Variants in ZNF25 observed in about 807,000 individuals in gnomAD.
The protein encoded by ZNF25 is zinc finger protein 25 (KOX 19).
In ZNF25, 21 loss-of-function variants were observed where a neutral mutation model predicts 30.9. That is an observed-to-expected ratio of 0.68 (90% CI 0.48 to 0.98). The LOEUF (loss-of-function observed/expected upper bound fraction) is 0.98, where lower values mean the gene tolerates loss of function less well. ZNF25 is among the 50% of genes least tolerant of loss of function. The probability of loss-of-function intolerance (pLI) is 0.00; values close to 1 mark genes in which losing one functional copy is unlikely to be tolerated. For missense variants in ZNF25, 501 were observed against 529.9 expected, an observed-to-expected ratio of 0.95 and a Z score of 0.54; for synonymous variants, 169 against 181.3, an observed-to-expected ratio of 0.93 and a Z score of 0.55.
chr10:37,953,644 A>G (rs1409714509), intron 5 of ZNF25, 51 bp downstream of exon 5: 1 of 1,566,340 alleles, frequency 6.4e-7, no homozygotes, highest in African/African-American at 1.4e-5. Flanking sequence ...TAACTCCTTT[A>G]AGACTCTTGC....
At chr10:37,956,941 G>C (rs2062565987) in intron 4 of ZNF25, 79 bp downstream of exon 4, 1 of 878,710 alleles carries the variant, frequency 1.1e-6, no homozygotes, top group African/African-American at 1.8e-5. Context: ...AAAAGTGAGA[G>C]ATTGCCGAAA....
At chr10:37,956,915 C>CA (rs9299755) in intron 4 of ZNF25, 105 bp downstream of exon 4, 242,582 of 514,808 alleles carry the variant, frequency 0.47, 37,705 homozygotes, top group African/African-American at 0.73. Context: ...AACTCTGTTT[C>CA]AAAAAAAAAA....
At chr10:37,953,313 A>G in intron 5 of ZNF25, 118 bp from the exon 6 acceptor site, 5 of 906,620 alleles carry the variant, frequency 5.5e-6, no homozygotes, top group Non-Finnish European at 6.5e-6. Flanking sequence ...AGATGTTCCC[A>G]TATTTACTGG....
chr10:37,975,195 T>C (rs1476602256), intron 1 of ZNF25, among the ~76,000 whole-genome samples: 1 of 152,184 alleles, frequency 6.6e-6, no homozygotes, highest in Non-Finnish European at 1.5e-5. Flanking sequence ...TAGTGTTCAA[T>C]AGCACAGTAT....
In ZNF25 at chr10:37,953,153, C is replaced by G; in HGVS notation, c.345G>C (p.Glu115Asp). ...CACATTCCTTACATTCACAGGCTTT[C>G]TCTGTGGTATGAGTTTTCTGATGTT... Reference protein sequence around the residue: ...LTKHQKTHTTEKACECKECGK... With the variant: ...LTKHQKTHTTDKACECKECGK... Residue 115 changes from glutamate (E) to aspartate (D), a missense_variant, in exon 6 of 6, where the codon GAG becomes GAC. Physicochemically the swap from Glu to Asp is conservative, Grantham distance 45. Transcript: ENST00000302609. 6.2e-7 allele frequency: 1 copy of G among 1,601,426 alleles called. No individual in the cohort carries two copies. The highest frequency in any genetic ancestry group is 1.1e-5 in the South Asian group (1 of 88,578).
At chr10:37,973,475 C>G (rs572080258) in intron 1 of ZNF25, among the ~76,000 whole-genome samples, 1 of 151,200 alleles carries the variant, frequency 6.6e-6, no homozygotes, top group Admixed American at 6.6e-5. Flanking sequence ...AAAAATTACA[C>G]AGGTATGGTG....
chr10:37,969,279 C>A (rs1447304135), intron 2 of ZNF25, among the ~76,000 whole-genome samples: 1 of 152,064 alleles, frequency 6.6e-6, no homozygotes, highest in Non-Finnish European at 1.5e-5. Context: ...TAGGTATATA[C>A]CCGAAATAAT....
rs1246934527 is a variant in ZNF25, at chr10:37,949,921, CTT to C, written c.*2204_*2205del. 6.6e-6 allele frequency: 1 copy of C among 152,556 alleles called. No homozygotes were observed. The highest frequency in any genetic ancestry group is 1.5e-5 in the Non-Finnish European group (1 of 68,016). 9.5% of individuals were successfully genotyped at this position (152,556 alleles called of 1,614,324 possible). On this transcript the variant is annotated 3_prime_UTR_variant, in exon 6 of 6. Coordinates refer to ENST00000302609, the MANE Select transcript of ZNF25 (RefSeq NM_145011.4). The stretch of plus-strand genomic sequence containing the variant: ...ACTGCTACATTCCATCAAGAAATTT[CTT>C]GTTTTGATGTTATGACAATTTAGCA...
At chr10:37,957,948 A>C (rs2062631900) in intron 2 of ZNF25, among the ~76,000 whole-genome samples, 1 of 152,180 alleles carries the variant, frequency 6.6e-6, no homozygotes, top group Non-Finnish European at 1.5e-5. Context: ...ACAGTAACAC[A>C]CTGTACAGGT....
At chr10:37,963,569 G>T (rs1020804600) in intron 2 of ZNF25, among the ~76,000 whole-genome samples, 6 of 152,154 alleles carry the variant, frequency 3.9e-5, no homozygotes, top group African/African-American at 1.4e-4. Context: ...TGGGAGTTGG[G>T]GACTGGTAGG....
rs540732394 is a variant in ZNF25, at chr10:37,971,737, G to A, written c.-15C>T. On this transcript the variant is annotated 5_prime_UTR_variant, in exon 2 of 6. Coordinates refer to ENST00000302609, the MANE Select transcript of ZNF25 (RefSeq NM_145011.4). ...AACTTGTTCATTTTCTGCTGCTCTT[G>A]GGAAAGGCTGAAAACTGCAAAGCCA... The A allele has an allele frequency of 6.2e-7, 1 of 1,613,868 alleles. No individual in the cohort carries two copies. The highest frequency in any genetic ancestry group is 1.6e-4 in the Middle Eastern group (1 of 6,062).
At chr10:37,972,877 C>T (rs895883487) in intron 1 of ZNF25, among the ~76,000 whole-genome samples, 5 of 152,068 alleles carry the variant, frequency 3.3e-5, no homozygotes, top group African/African-American at 1.2e-4. Context: ...CATTAGAAAA[C>T]CAGTAGCAGG....
chr10:37,958,010 C>G (rs141298802), intron 2 of ZNF25, among the ~76,000 whole-genome samples: 1 of 152,176 alleles, frequency 6.6e-6, no homozygotes, highest in Non-Finnish European at 1.5e-5. Flanking sequence ...GTGCAGTCAG[C>G]TGTACCATCT....
chr10:37,952,284 T>A lies in ZNF25; in HGVS notation c.1214A>T (p.Lys405Met). The change falls in exon 6 of 6, where the codon AAG becomes ATG. Residue 405 changes from lysine (K) to methionine (M), a missense_variant. Transcript: ENST00000302609. ...AAAATGTGACTTCTGAGAAAAGGACTTCCCACATTCCTTGCATGCATAGGG... is the reference window on the plus strand; with the variant it reads ...AAAATGTGACTTCTGAGAAAAGGACATCCCACATTCCTTGCATGCATAGGG... Reference protein sequence around the residue: ...EKPYACKECGKSFSQKSHFII... With the variant: ...EKPYACKECGMSFSQKSHFII... 4 of 1,613,978 alleles carry A rather than the reference T, an allele frequency of 2.5e-6. No individual in the cohort carries two copies. The highest frequency in any genetic ancestry group is 3.4e-6 in the Non-Finnish European group (4 of 1,179,938).
chr10:37,957,614 T>C (rs771658759), intron 2 of ZNF25, 68 bp from the exon 3 acceptor site: 11 of 1,547,154 alleles, frequency 7.1e-6, no homozygotes, highest in Non-Finnish European at 9.6e-6. Flanking sequence ...AAAAGACATG[T>C]GAACTAGCTC....
chr10:37,975,252 A>T (rs537092445), intron 1 of ZNF25, among the ~76,000 whole-genome samples: 1 of 152,340 alleles, frequency 6.6e-6, no homozygotes, highest in African/African-American at 2.4e-5. Context: ...AATAGCTAGA[A>T]GATTTCGAAT....
chr10:37,964,688 T>G (rs1247265388), intron 2 of ZNF25, among the ~76,000 whole-genome samples: 1 of 152,134 alleles, frequency 6.6e-6, no homozygotes, highest in Non-Finnish European at 1.5e-5. Flanking sequence ...GACTTAAAGT[T>G]GGAACTGATA....
At chr10:37,965,234 G>A (rs1258684701) in intron 2 of ZNF25, among the ~76,000 whole-genome samples, 3 of 152,088 alleles carry the variant, frequency 2.0e-5, no homozygotes, top group African/African-American at 4.8e-5. Context: ...GAAACTACTA[G>A]GGCAATGTTG....
At chr10:37,969,119 T>TA (rs1325636740) in intron 2 of ZNF25, among the ~76,000 whole-genome samples, 2 of 152,160 alleles carry the variant, frequency 1.3e-5, no homozygotes, top group African/African-American at 4.8e-5. Context: ...GGCATAATTT[T>TA]AAAAATGGCA....
Sources: gnomAD v4.1 joint callset for allele counts (sites outside exome capture counted in the v4.1 genomes callset) on GRCh38, gnomAD v4.1.1 for gene constraint, MANE v1.5 for transcripts, NCBI Gene and HGNC (gene_info 2026-07-23, HGNC 2026-07-21) for gene names.